CTNNA2: variants seen among roughly 807,000 people sequenced by gnomAD.
The protein encoded by CTNNA2 is catenin alpha 2, also known as catenin alpha-2.
CTNNA2 carries 42 observed loss-of-function variants against 101.0 expected under a neutral mutation model. The observed-to-expected ratio is 0.42, with a 90% CI of 0.32 to 0.54. The LOEUF (loss-of-function observed/expected upper bound fraction) is 0.54, where lower values mean the gene tolerates loss of function less well. CTNNA2 is among the 20% of genes least tolerant of loss of function. CTNNA2 has a pLI of 0.14. For missense variants in CTNNA2, 871 were observed against 1,223.1 expected (o/e 0.71, Z 4.29); for synonymous variants, 450 against 456.4 (o/e 0.99, Z 0.18).
chr2:80,075,035 C>T (rs919801604), intron 7 of CTNNA2, among the ~76,000 whole-genome samples: 31 of 152,250 alleles, frequency 2.0e-4, no homozygotes, highest in Non-Finnish European at 4.1e-4. Flanking sequence ...CATATCCCTT[C>T]CCTTACTGTT....
intron 12 of CTNNA2, among the ~76,000 whole-genome samples, chr2:80,570,813 G>T (rs1403561336): frequency 6.6e-6 from 1 of 152,048 alleles, no homozygotes; most frequent in African/African-American, 2.4e-5. Flanking sequence ...TAACACTGTT[G>T]TTTATACCAA....
intron 7 of CTNNA2, among the ~76,000 whole-genome samples, chr2:80,258,961 C>T (rs1672386768): frequency 6.6e-6 from 1 of 152,036 alleles, no homozygotes; most frequent in Admixed American, 6.6e-5. Flanking sequence ...GAAGGAGGCC[C>T]CCATTTAAAA....
intron 16 of CTNNA2, among the ~76,000 whole-genome samples, chr2:80,607,871 A>C (rs1213769549): frequency 6.6e-6 from 1 of 151,864 alleles, no homozygotes; most frequent in Non-Finnish European, 1.5e-5. Flanking sequence ...GTTGAAGGAA[A>C]CTGTAAAATA....
intron 3 of CTNNA2, among the ~76,000 whole-genome samples, chr2:79,754,056 A>G (rs1672234820): frequency 6.6e-6 from 1 of 151,822 alleles, no homozygotes; most frequent in African/African-American, 2.4e-5. Flanking sequence ...TCTAGTAGAG[A>G]CAGGGTTTCA....
At chr2:79,471,896 T>C (rs1200273514) in intron 4 of CTNNA2, among the ~76,000 whole-genome samples, 1 of 152,142 alleles carries the variant, frequency 6.6e-6, no homozygotes, top group Admixed American at 6.5e-5. Context: ...TTTATTCCAT[T>C]GAATTTGACC....
chr2:79,607,228 T>G (rs1677952746), intron 1 of CTNNA2, among the ~76,000 whole-genome samples: 1 of 152,220 alleles, frequency 6.6e-6, no homozygotes, highest in African/African-American at 2.4e-5. Flanking sequence ...ACATTTTACA[T>G]ATGCACCTCA....
At chr2:80,531,276 C>A (rs1378349314) in intron 9 of CTNNA2, among the ~76,000 whole-genome samples, 1 of 152,166 alleles carries the variant, frequency 6.6e-6, no homozygotes, top group East Asian at 1.9e-4. Flanking sequence ...AGTGGCCAGA[C>A]CAGGTGTTTA....
At chr2:80,245,132 C>A (rs780669882) in intron 7 of CTNNA2, among the ~76,000 whole-genome samples, 4 of 152,172 alleles carry the variant, frequency 2.6e-5, no homozygotes, top group Non-Finnish European at 5.9e-5. Context: ...TTTGGAAAGC[C>A]GGGGCAGCTG....
chr2:79,566,478 A>C (rs544861773), intron 1 of CTNNA2, among the ~76,000 whole-genome samples: 1 of 152,182 alleles, frequency 6.6e-6, no homozygotes, highest in Non-Finnish European at 1.5e-5. Flanking sequence ...GTGGCTCTCC[A>C]CTATTATTTT....
chr2:79,886,329 C>T (rs2974163), intron 6 of CTNNA2, among the ~76,000 whole-genome samples: 1 of 152,044 alleles, frequency 6.6e-6, no homozygotes, highest in African/African-American at 2.4e-5. Context: ...GTGATTATTT[C>T]TGGGGTACAG....
chr2:79,818,614 C>A (rs1313767369), intron 3 of CTNNA2, among the ~76,000 whole-genome samples: 1 of 151,798 alleles, frequency 6.6e-6, no homozygotes, highest in Non-Finnish European at 1.5e-5. Flanking sequence ...CAAGCCCGGC[C>A]TGTGATTTAC....
chr2:79,616,933 G>T (rs549168664), intron 1 of CTNNA2, among the ~76,000 whole-genome samples: 1 of 145,096 alleles, frequency 6.9e-6, no homozygotes, highest in East Asian at 2.3e-4. Flanking sequence ...ACACAGTCTT[G>T]CTCCGTCACC....
At chr2:80,581,635 G>T in intron 13 of CTNNA2, 71 bp from the exon 14 acceptor site, 2 of 938,496 alleles carry the variant, frequency 2.1e-6, no homozygotes, top group South Asian at 2.7e-5. Flanking sequence ...TTTAGCCTTT[G>T]CAATGAAGTG....
At chr2:80,524,962 TG>T (rs1689901779) in intron 9 of CTNNA2, among the ~76,000 whole-genome samples, 1 of 152,194 alleles carries the variant, frequency 6.6e-6, no homozygotes, top group African/African-American at 2.4e-5. Context: ...CATAGGTTTT[TG>T]GGGAACAGGT....
intron 9 of CTNNA2, among the ~76,000 whole-genome samples, chr2:80,431,208 C>T (rs1184773494): frequency 2.0e-5 from 3 of 152,142 alleles, no homozygotes; most frequent in Non-Finnish European, 2.9e-5. Flanking sequence ...TCTTTGACTC[C>T]GTTAGTTTTA....
intron 6 of CTNNA2, among the ~76,000 whole-genome samples, chr2:79,891,540 T>TG (rs1442332438): frequency 2.0e-5 from 3 of 152,208 alleles, no homozygotes; most frequent in African/African-American, 7.2e-5. Context: ...AGAGATCTGA[T>TG]GGAGCGGTAG....
rs192633761 is a variant in CTNNA2 at position 79,362,879 on chromosome 2, G to A, written c.-317-10952G>A. Reference sequence around the variant, plus strand: ...GAAGTAAACATTTTTGTTTCAAGCCGCAGAGACTGGGGACTATTTGTTACC... The same window carrying A: ...GAAGTAAACATTTTTGTTTCAAGCCACAGAGACTGGGGACTATTTGTTACC... On this transcript the variant is annotated intron_variant, in intron 3 of 21. Transcript: ENST00000466387. Among the ~76,000 whole-genome samples, 147 of 152,274 alleles carry A rather than the reference G, an allele frequency of 9.7e-4. 1 individual carries two copies. The highest frequency in any genetic ancestry group is 1.1e-3 in the Non-Finnish European group (74 of 68,012).
rs1558754555 is a variant in CTNNA2, at chr2:80,043,038, TC to T, written c.1056+133243del. 2.6e-4 allele frequency among the ~76,000 whole-genome samples: 13 copies of T among 50,354 alleles called. No homozygotes were observed. The East Asian group carries it at 6.5e-3, about 25-fold the overall frequency. The allele number at this position is 50,354 out of a possible 152,430, so 33.0% of individuals were successfully genotyped here. A position where few individuals can be genotyped will look rare whatever the true frequency, so the allele number is the denominator to read the frequency against. On this transcript the variant is annotated intron_variant, in intron 7 of 18. Coordinates refer to ENST00000402739, the MANE Select transcript of CTNNA2 (RefSeq NM_001282597.3). The stretch of plus-strand genomic sequence containing the variant: ...CTTTCCCTTTCTTTCTTTCTTTCTT[TC>T]CTTCTTTCTTTCTTTCTTTCTTTCT...
intron 7 of CTNNA2, among the ~76,000 whole-genome samples, chr2:80,113,886 A>G (rs1256435883): frequency 6.6e-6 from 1 of 152,266 alleles, no homozygotes; most frequent in Non-Finnish European, 1.5e-5. Context: ...TTCTGGAATA[A>G]CAAAGCTAAA....
Sources: gnomAD v4.1 joint callset for allele counts (sites outside exome capture counted in the v4.1 genomes callset) on GRCh38, gnomAD v4.1.1 for gene constraint, MANE v1.5 for transcripts, NCBI Gene and HGNC (gene_info 2026-07-23, HGNC 2026-07-21) for gene names.